Variants in RBFOX1 observed in about 807,000 individuals in gnomAD.
RBFOX1 encodes RNA binding protein fox-1 homolog 1.
A neutral mutation model predicts 57.7 loss-of-function variants in RBFOX1; 8 were observed. The observed-to-expected ratio is 0.14, with a 90% CI of 0.08 to 0.25. The LOEUF (loss-of-function observed/expected upper bound fraction) is 0.25, where lower values mean the gene tolerates loss of function less well. RBFOX1 is among the 10% of genes least tolerant of loss of function. RBFOX1 has a pLI of 1.00. For synonymous variants in RBFOX1, 326 were observed against 222.4 expected (o/e 1.47, Z -4.15); for missense variants, 611 against 548.5 (o/e 1.11, Z -1.14).
At position 6,389,471 on chromosome 16, in the gene RBFOX1, C is replaced by T. The variant is rs73532357; in HGVS notation, c.-64+72414C>T. Among the ~76,000 whole-genome samples, 738 of 152,140 alleles carry T rather than the reference C, an allele frequency of 4.9e-3. 12 individuals carry two copies. Among genetic ancestry groups the T allele is most frequent in the African/African-American group, 0.016 (681 of 41,506 alleles). ...AAGTTTATCATCATGAAAGCAGGCA[C>T]CTGGTTTCTGAAATACTAGACTTCT... On this transcript the variant is annotated intron_variant, in intron 2 of 15. Transcript: ENST00000550418.
At chr16:5,725,165 G>C (rs775718628) in intron 3 of RBFOX1, among the ~76,000 whole-genome samples, 81 of 152,200 alleles carry the variant, frequency 5.3e-4, no homozygotes, top group Admixed American at 3.1e-3. Context: ...AGGAGGCTAG[G>C]CTGTTGGTTA....
At chr16:6,219,261 G>C (rs1016105920) in intron 1 of RBFOX1, among the ~76,000 whole-genome samples, 6 of 152,110 alleles carry the variant, frequency 3.9e-5, no homozygotes, top group Non-Finnish European at 7.3e-5. Context: ...TTGAGCCCAG[G>C]AGCTCAAGAC....
intron 2 of RBFOX1, among the ~76,000 whole-genome samples, chr16:6,418,526 T>A (rs1021551692): frequency 7.6e-5 from 9 of 117,732 alleles, no homozygotes; most frequent in Non-Finnish European, 1.1e-4. Context: ...CTTATTTTTT[T>A]TTTTTTTTTT....
chr16:5,410,047 C>CAAAA (rs57923211), intron 1 of RBFOX1, among the ~76,000 whole-genome samples: 1 of 114,848 alleles, frequency 8.7e-6, no homozygotes, highest in Non-Finnish European at 1.9e-5. Context: ...GACTCCATCT[C>CAAAA]AAAAAAAAAA....
At chr16:6,886,780 AAAC>A in intron 3 of RBFOX1, among the ~76,000 whole-genome samples, 1 of 145,028 alleles carries the variant, frequency 6.9e-6, no homozygotes, top group East Asian at 2.0e-4. Context: ...AAACAAAACA[AAAC>A]AAAAAAAAAA....
At chr16:5,334,849 T>A (rs1336852040) in intron 1 of RBFOX1, among the ~76,000 whole-genome samples, 1 of 151,656 alleles carries the variant, frequency 6.6e-6, no homozygotes, top group Non-Finnish European at 1.5e-5. Flanking sequence ...CATGGACACA[T>A]CCTTAAGCTT....
chr16:5,564,620 T>A (rs1048011934), intron 2 of RBFOX1, among the ~76,000 whole-genome samples: 1 of 152,180 alleles, frequency 6.6e-6, no homozygotes, highest in African/African-American at 2.4e-5. Context: ...GCATCTCTTT[T>A]TGGAGTCTGT....
At chr16:7,689,111 T>C (rs78261564) in intron 14 of RBFOX1, among the ~76,000 whole-genome samples, 1 of 151,986 alleles carries the variant, frequency 6.6e-6, no homozygotes, top group Non-Finnish European at 1.5e-5. Flanking sequence ...ATAAGAAAAA[T>C]TAAATGAATA....
intron 4 of RBFOX1, among the ~76,000 whole-genome samples, chr16:7,231,749 A>G (rs1428853441): frequency 2.6e-5 from 4 of 152,226 alleles, no homozygotes; most frequent in Admixed American, 6.5e-5. Context: ...GTTACATGCT[A>G]CAACGTGGAT....
Position 7,293,505 on chromosome 16 carries a change from G to A in RBFOX1, c.28-224642G>A, listed in dbSNP as rs190327042. On this transcript the variant is annotated intron_variant, in intron 4 of 15. Coordinates refer to ENST00000550418, the MANE Select transcript of RBFOX1 (RefSeq NM_018723.4). ...CTCATACATGCATCATTTAGTGGGT[G>A]TATTGCAGAATGGGCTAATTAATTT... Among the ~76,000 whole-genome samples, 240 of 152,266 alleles carry A rather than the reference G, an allele frequency of 1.6e-3. 1 individual carries two copies. The highest frequency in any genetic ancestry group is 7.5e-3 in the South Asian group (36 of 4,814).
At chr16:7,581,324 G>T (rs2093743491) in intron 6 of RBFOX1, among the ~76,000 whole-genome samples, 1 of 152,214 alleles carries the variant, frequency 6.6e-6, no homozygotes, top group African/African-American at 2.4e-5. Context: ...AGCATTCAAA[G>T]TGAGAGTCGA....
At chr16:6,732,892 A>G (rs1262958905) in intron 3 of RBFOX1, among the ~76,000 whole-genome samples, 4 of 152,154 alleles carry the variant, frequency 2.6e-5, no homozygotes, top group Admixed American at 2.6e-4. Flanking sequence ...AAGTTTGTTG[A>G]TCCTTGTGTT....
chr16:7,114,141 T>C (rs79994216), intron 4 of RBFOX1, among the ~76,000 whole-genome samples: 2,652 of 152,274 alleles, frequency 0.017, 78 homozygotes, highest in African/African-American at 0.06. Flanking sequence ...GTTTTTAACT[T>C]TCAGTTGTAC....
chr16:5,964,925 C>T (rs961475966), intron 4 of RBFOX1, among the ~76,000 whole-genome samples: 7 of 151,996 alleles, frequency 4.6e-5, no homozygotes, highest in African/African-American at 7.3e-5. Flanking sequence ...TGTGTGTTTG[C>T]ATGCGTATAC....
At chr16:5,663,812 G>T (rs1274624464) in intron 3 of RBFOX1, among the ~76,000 whole-genome samples, 1 of 152,176 alleles carries the variant, frequency 6.6e-6, no homozygotes. Flanking sequence ...TGCTTCACAC[G>T]TCAAAGACAT....
At chr16:6,889,602 T>TG in intron 3 of RBFOX1, among the ~76,000 whole-genome samples, 1 of 152,318 alleles carries the variant, frequency 6.6e-6, no homozygotes, top group Middle Eastern at 3.4e-3. Flanking sequence ...CCGACTAGTT[T>TG]GTGGAGGAAG....
At chr16:7,501,184 G>C (rs1313823378) in intron 4 of RBFOX1, among the ~76,000 whole-genome samples, 1 of 152,184 alleles carries the variant, frequency 6.6e-6, no homozygotes, top group East Asian at 1.9e-4. Context: ...TGATGGAGAA[G>C]AGAATGATCA....
At chr16:7,209,032 T>C (rs2090570659) in intron 4 of RBFOX1, among the ~76,000 whole-genome samples, 2 of 152,036 alleles carry the variant, frequency 1.3e-5, no homozygotes, top group South Asian at 2.1e-4. Context: ...CAGTGGCTTA[T>C]GCCCATAATC....
chr16:7,293,108 C>T (rs533879403), intron 4 of RBFOX1, among the ~76,000 whole-genome samples: 1 of 152,150 alleles, frequency 6.6e-6, no homozygotes, highest in Non-Finnish European at 1.5e-5. Flanking sequence ...ATACCGTTGA[C>T]CCTCCACGTC....
Sources: gnomAD v4.1 joint callset for allele counts (sites outside exome capture counted in the v4.1 genomes callset) on GRCh38, gnomAD v4.1.1 for gene constraint, MANE v1.5 for transcripts, NCBI Gene and HGNC (gene_info 2026-07-23, HGNC 2026-07-21) for gene names.